SLC39A11: variants seen among roughly 807,000 people sequenced by gnomAD.
SLC39A11 encodes zinc transporter ZIP11.
A neutral mutation model predicts 36.1 loss-of-function variants in SLC39A11; 33 were observed. The ratio of observed to expected loss-of-function variants is 0.91; its 90% CI spans 0.69 to 1.22. The LOEUF is 1.22. SLC39A11 is among the 50% of genes most tolerant of loss of function. SLC39A11 has a pLI of 0.00. For missense variants in SLC39A11, 432 were observed against 430.3 expected (o/e 1.00, Z -0.03); for synonymous variants, 166 against 170.3 (o/e 0.97, Z 0.20).
At chr17:72,840,008 G>C (rs2078733412) in intron 6 of SLC39A11, among the ~76,000 whole-genome samples, 1 of 152,198 alleles carries the variant, frequency 6.6e-6, no homozygotes, top group Admixed American at 6.5e-5. Flanking sequence ...CTACAGGAAA[G>C]CTTAGTTATA....
chr17:72,837,713 A>G (rs111768077), intron 6 of SLC39A11: 3 of 227,608 alleles, frequency 1.3e-5, no homozygotes, highest in African/African-American at 4.5e-5. Context: ...TGGCCAGAAA[A>G]AGAAAGACTT....
intron 5 of SLC39A11, among the ~76,000 whole-genome samples, chr17:72,871,056 G>GTTTTTTTTTTTTTTTTTTGT (rs34776144): frequency 2.4e-5 from 3 of 124,316 alleles, no homozygotes; most frequent in South Asian, 2.5e-4. Context: ...TTTTGTTTTT[G>GTTTTTTTTTTTTTTTTTTGT]TTTTTTTTTT....
intron 7 of SLC39A11, among the ~76,000 whole-genome samples, chr17:72,666,585 C>T (rs2070765925): frequency 6.6e-6 from 1 of 152,196 alleles, no homozygotes; most frequent in African/African-American, 2.4e-5. Flanking sequence ...CCCCCACTGC[C>T]CCCTTGTTTA....
At chr17:72,935,031 T>G (rs1339452855) in intron 5 of SLC39A11, among the ~76,000 whole-genome samples, 1 of 152,202 alleles carries the variant, frequency 6.6e-6, no homozygotes, top group Admixed American at 6.5e-5. Context: ...CCAGGAGAAA[T>G]GTAAACATAT....
At chr17:72,690,509 C>T (rs118009065) in intron 7 of SLC39A11, among the ~76,000 whole-genome samples, 4 of 152,330 alleles carry the variant, frequency 2.6e-5, no homozygotes, top group Non-Finnish European at 5.9e-5. Flanking sequence ...CTTGTACACA[C>T]ATGTGCATGG....
intron 6 of SLC39A11, among the ~76,000 whole-genome samples, chr17:72,742,274 G>A (rs1432325165): frequency 6.6e-6 from 1 of 152,190 alleles, no homozygotes; most frequent in Non-Finnish European, 1.5e-5. Flanking sequence ...GCTGCGATGG[G>A]TATGCCTAAG....
chr17:72,816,635 AG>A (rs2077593693), intron 6 of SLC39A11, among the ~76,000 whole-genome samples: 1 of 152,184 alleles, frequency 6.6e-6, no homozygotes, highest in African/African-American at 2.4e-5. Flanking sequence ...CCCCTCACTC[AG>A]AGCTGGTCAT....
chr17:73,013,370 G>T (rs1330141907), intron 4 of SLC39A11, among the ~76,000 whole-genome samples: 1 of 152,264 alleles, frequency 6.6e-6, no homozygotes, highest in South Asian at 2.1e-4. Context: ...TTACAGGCGT[G>T]AGCCTCCGCA....
chr17:73,024,856 C>T (rs1458593162), intron 4 of SLC39A11, among the ~76,000 whole-genome samples: 2 of 141,992 alleles, frequency 1.4e-5, no homozygotes, highest in South Asian at 2.3e-4. Flanking sequence ...CAACACCATG[C>T]CCAGCTAATT....
At chr17:72,729,993 G>A (rs1041305165) in intron 7 of SLC39A11, among the ~76,000 whole-genome samples, 2 of 152,024 alleles carry the variant, frequency 1.3e-5, no homozygotes, top group Non-Finnish European at 2.9e-5. Flanking sequence ...GGTCTGAATG[G>A]CATTGATCTT....
chr17:72,755,659 T>G (rs187150690), intron 6 of SLC39A11, among the ~76,000 whole-genome samples: 1 of 152,372 alleles, frequency 6.6e-6, no homozygotes, highest in African/African-American at 2.4e-5. Context: ...GAGGCCTTCT[T>G]TTAATTAATG....
intron 6 of SLC39A11, among the ~76,000 whole-genome samples, chr17:72,804,880 C>T (rs372532412): frequency 1.3e-5 from 2 of 152,094 alleles, no homozygotes; most frequent in African/African-American, 2.4e-5. Context: ...ATCAGCCAGG[C>T]GTGGTGGCGT....
chr17:72,672,503 G>T (rs764174568), intron 7 of SLC39A11, among the ~76,000 whole-genome samples: 1 of 152,146 alleles, frequency 6.6e-6, no homozygotes, highest in Non-Finnish European at 1.5e-5. Flanking sequence ...TCTCATTCTC[G>T]ACCAGCACCA....
In SLC39A11 at chr17:72,771,673, C is replaced by T. The variant is rs1598655692; in HGVS notation, c.602-34954G>A. On this transcript the variant is annotated intron_variant, in intron 6 of 9. Transcript: ENST00000255559. ...GATTCCTAATAAAAAAAAGACTGTG[C>T]GGTAATGTGCTCATCAGCCACGCTG... Among the ~76,000 whole-genome samples the T allele has an allele frequency of 2.0e-5, 3 of 152,172 alleles. No homozygotes were observed. The South Asian group carries it at 6.2e-4, about 32-fold the overall frequency.
At chr17:72,965,505 C>G (rs1208368477) in intron 4 of SLC39A11, among the ~76,000 whole-genome samples, 4 of 152,178 alleles carry the variant, frequency 2.6e-5, no homozygotes, top group Non-Finnish European at 4.4e-5. Flanking sequence ...TATTCAACAC[C>G]TTATTATAAA....
intron 3 of SLC39A11, chr17:73,068,360 A>C (rs577833461): frequency 1.1e-4 from 58 of 522,020 alleles, no homozygotes; most frequent in African/African-American, 1.1e-3. Flanking sequence ...ATTCTCAGTC[A>C]AATCTAATCC....
chr17:72,739,421 G>A (rs925895265), intron 6 of SLC39A11, among the ~76,000 whole-genome samples: 6 of 152,106 alleles, frequency 3.9e-5, no homozygotes, highest in South Asian at 2.1e-4. Flanking sequence ...GCCACTGCAC[G>A]CAGTGAGAAT....
intron 3 of SLC39A11, among the ~76,000 whole-genome samples, chr17:73,051,067 C>G (rs1599033010): frequency 6.6e-6 from 1 of 152,170 alleles, no homozygotes; most frequent in East Asian, 1.9e-4. Context: ...TCTCACGGTT[C>G]TAGAAGTTAG....
At chr17:72,944,638 C>T (rs1350156807) in intron 5 of SLC39A11, among the ~76,000 whole-genome samples, 1 of 152,174 alleles carries the variant, frequency 6.6e-6, no homozygotes, top group Non-Finnish European at 1.5e-5. Flanking sequence ...GAACTCCTGG[C>T]CTCATTTCTA....
Sources: gnomAD v4.1 joint callset for allele counts (sites outside exome capture counted in the v4.1 genomes callset) on GRCh38, gnomAD v4.1.1 for gene constraint, MANE v1.5 for transcripts, NCBI Gene and HGNC (gene_info 2026-07-23, HGNC 2026-07-21) for gene names.